SLC35D1: variants seen among roughly 807,000 people sequenced by gnomAD.
The protein encoded by SLC35D1 is nucleotide sugar transporter SLC35D1.
A neutral mutation model predicts 46.7 loss-of-function variants in SLC35D1; 31 were observed. That is an observed-to-expected ratio of 0.66 (90% CI 0.50 to 0.90). The LOEUF (loss-of-function observed/expected upper bound fraction) is 0.90, where lower values mean the gene tolerates loss of function less well. SLC35D1 is among the 40% of genes least tolerant of loss of function. The pLI is 0.00. For missense variants in SLC35D1, 397 were observed against 426.2 expected, an observed-to-expected ratio of 0.93 and a Z score of 0.60; for synonymous variants, 195 against 164.6, an observed-to-expected ratio of 1.18 and a Z score of -1.41.
intron 10 of SLC35D1, among the ~76,000 whole-genome samples, chr1:67,015,578 C>T (rs1667668634): frequency 6.6e-6 from 1 of 152,124 alleles, no homozygotes. Flanking sequence ...TTGGTAGAAA[C>T]AGGTTTCACT....
At chr1:67,038,834 T>TACACACACACACACAC (rs112186155) in intron 8 of SLC35D1, among the ~76,000 whole-genome samples, 1,776 of 130,662 alleles carry the variant, frequency 0.014, 28 homozygotes, top group African/African-American at 0.042. Context: ...TAAATATGTA[T>TACACACACACACACAC]ACACACACAC....
chr1:66,975,250 G>A, the SLC35D1 span, among the ~76,000 whole-genome samples: 1 of 152,120 alleles, frequency 6.6e-6, no homozygotes, highest in African/African-American at 2.4e-5. Flanking sequence ...CAGTATTGCC[G>A]GTGCAGTGGC....
chr1:66,974,856 T>C, the SLC35D1 span, among the ~76,000 whole-genome samples: 40 of 152,338 alleles, frequency 2.6e-4, no homozygotes, highest in African/African-American at 9.6e-4. Flanking sequence ...AGTTCTATTT[T>C]GAGGGCTTTT....
chr1:66,986,583 CAT>C, the SLC35D1 span: 2 of 890,282 alleles, frequency 2.2e-6, no homozygotes, highest in Non-Finnish European at 3.6e-6. Context: ...TTACTGTTAA[CAT>C]ATGTTCGGAC....
chr1:66,985,817 T>A, the SLC35D1 span: 2 of 377,624 alleles, frequency 5.3e-6, no homozygotes, highest in South Asian at 8.3e-5. Context: ...TTATAAAATT[T>A]TTTTTTTTTT....
intron 8 of SLC35D1, among the ~76,000 whole-genome samples, chr1:67,026,121 T>C (rs1570623642): frequency 6.6e-6 from 1 of 152,190 alleles, no homozygotes; most frequent in East Asian, 1.9e-4. Context: ...AGTCTTTCTT[T>C]CACCATTAAA....
chr1:67,038,845 A>ACACACG (rs1334781147), intron 8 of SLC35D1, among the ~76,000 whole-genome samples: 1 of 151,824 alleles, frequency 6.6e-6, no homozygotes, highest in African/African-American at 2.4e-5. Flanking sequence ...ACACACACAC[A>ACACACG]CACACACAAA....
chr1:67,046,227 TC>T (rs1645249287), intron 7 of SLC35D1, among the ~76,000 whole-genome samples: 1 of 152,208 alleles, frequency 6.6e-6, no homozygotes, highest in Non-Finnish European at 1.5e-5. Flanking sequence ...AATCTACACT[TC>T]TTTTCTAGAG....
At position 67,047,376 on chromosome 1, in the gene SLC35D1, C is replaced by T; in HGVS notation, c.534-9G>A. On this transcript the variant is annotated splice_polypyrimidine_tract_variant and intron_variant, in intron 6 of 11. Coordinates refer to ENST00000235345, the MANE Select transcript of SLC35D1 (RefSeq NM_015139.3). ...CAAATGCCAAGTCAGAGCTGCAAAACATAAGCAACACTTTAAGAACAACTT... is the reference window on the plus strand; with the variant it reads ...CAAATGCCAAGTCAGAGCTGCAAAATATAAGCAACACTTTAAGAACAACTT... 1 of 1,604,854 alleles carries T rather than the reference C, an allele frequency of 6.2e-7. No individual in the cohort carries two copies. The highest frequency in any genetic ancestry group is 8.5e-7 in the Non-Finnish European group (1 of 1,173,118).
the SLC35D1 span, among the ~76,000 whole-genome samples, chr1:66,983,889 C>T: frequency 2.0e-5 from 3 of 152,152 alleles, no homozygotes; most frequent in Non-Finnish European, 4.4e-5. Context: ...CCACTCCTGG[C>T]TAATTTTTGT....
At chr1:67,049,910 C>T in intron 5 of SLC35D1, 60 bp from the exon 6 acceptor site, 1 of 1,220,010 alleles carries the variant, frequency 8.2e-7, no homozygotes, top group Non-Finnish European at 1.2e-6. Context: ...CATTTTACAA[C>T]AGAAGCAAAA....
the SLC35D1 span, among the ~76,000 whole-genome samples, chr1:66,991,945 A>C: frequency 6.6e-6 from 1 of 152,170 alleles, no homozygotes; most frequent in Non-Finnish European, 1.5e-5. Context: ...GGATGATACC[A>C]ATGTGCCAGT....
chr1:66,986,209 G>A, the SLC35D1 span: 1 of 1,253,760 alleles, frequency 8.0e-7, no homozygotes, highest in East Asian at 3.2e-5. Context: ...CTTTTCCAAA[G>A]TGAAAATAAG....
At chr1:67,005,402 T>C (rs1667426806) in intron 11 of SLC35D1, among the ~76,000 whole-genome samples, 1 of 152,192 alleles carries the variant, frequency 6.6e-6, no homozygotes, top group Non-Finnish European at 1.5e-5. Context: ...CTAGCTCTTG[T>C]TCCCACTAGG....
At chr1:67,012,143 A>C (rs1177921975) in intron 10 of SLC35D1, among the ~76,000 whole-genome samples, 2 of 152,196 alleles carry the variant, frequency 1.3e-5, no homozygotes, top group Admixed American at 1.3e-4. Flanking sequence ...CTCTTAGGAC[A>C]GTCTGTCATA....
intron 8 of SLC35D1, among the ~76,000 whole-genome samples, chr1:67,042,032 A>G (rs1264861439): frequency 6.6e-6 from 1 of 152,240 alleles, no homozygotes; most frequent in Non-Finnish European, 1.5e-5. Context: ...TTGACAGCAG[A>G]GCTATTTTGA....
At chr1:66,988,727 T>C in the SLC35D1 span, 1 of 152,266 alleles carries the variant, frequency 6.6e-6, no homozygotes, top group South Asian at 2.1e-4. Context: ...ATTGTCCAAA[T>C]TGATGGTGAC....
At chr1:67,039,079 CT>C (rs1336282274) in intron 8 of SLC35D1, among the ~76,000 whole-genome samples, 1 of 152,158 alleles carries the variant, frequency 6.6e-6, no homozygotes, top group African/African-American at 2.4e-5. Flanking sequence ...TCAGAGCCCC[CT>C]TGTTGGATTC....
chr1:66,991,360 GACC>G, the SLC35D1 span, among the ~76,000 whole-genome samples: 5 of 152,202 alleles, frequency 3.3e-5, no homozygotes, highest in Non-Finnish European at 7.3e-5. Context: ...AGATGTCAGT[GACC>G]ACATTGCTAG....
Sources: gnomAD v4.1 joint callset for allele counts (sites outside exome capture counted in the v4.1 genomes callset) on GRCh38, gnomAD v4.1.1 for gene constraint, MANE v1.5 for transcripts, NCBI Gene and HGNC (gene_info 2026-07-23, HGNC 2026-07-21) for gene names.